NRSN1: variants seen among roughly 807,000 people sequenced by gnomAD.
The protein encoded by NRSN1 is neurensin-1.
Under a neutral mutation model 17.3 loss-of-function variants are expected in NRSN1, and 14 were observed. That is an observed-to-expected ratio of 0.81 (90% CI 0.54 to 1.27). The LOEUF is 1.27. Ranked by LOEUF, NRSN1 falls within the 50% of genes most tolerant of loss-of-function variation. The pLI, the probability that NRSN1 is intolerant of heterozygous loss-of-function variation, is 0.00. For synonymous variants in NRSN1, 79 were observed against 94.2 expected (o/e 0.84, Z 0.93); for missense variants, 209 against 235.9 (o/e 0.89, Z 0.75).
In NRSN1 at chr6:24,126,240, A is replaced by G; in HGVS notation, c.-183A>G. 5.5e-6 allele frequency: 1 copy of G among 180,908 alleles called. No homozygotes were observed. The highest frequency in any genetic ancestry group is 1.1e-5 in the Non-Finnish European group (1 of 88,756). The allele number at this position is 180,908 out of a possible 1,614,324, so 11.2% of individuals were successfully genotyped here. ...GTCAATCAGGCGCGGGCTGAGCTCT[A>G]CGAGGCGGAGCGGCGGCGGTGGCGA... On this transcript the variant is annotated 5_prime_UTR_variant, in exon 1 of 4. Coordinates refer to ENST00000378491, the MANE Select transcript of NRSN1 (RefSeq NM_080723.5).
chr6:24,142,240 TCAG>T, intron 3 of NRSN1, among the ~76,000 whole-genome samples: 2 of 138,000 alleles, frequency 1.4e-5, no homozygotes, highest in African/African-American at 2.6e-5. Flanking sequence ...TGACTCTTTT[TCAG>T]TTTCCTTACA....
intron 3 of NRSN1, among the ~76,000 whole-genome samples, chr6:24,142,841 G>A (rs115600404): frequency 0.049 from 7,492 of 152,254 alleles, 381 homozygotes; most frequent in African/African-American, 0.13. Flanking sequence ...AGCTTCCACA[G>A]GGTGGAAAGA....
At chr6:24,137,053 T>G (rs1561866614) in intron 3 of NRSN1, among the ~76,000 whole-genome samples, 1 of 152,260 alleles carries the variant, frequency 6.6e-6, no homozygotes, top group Non-Finnish European at 1.5e-5. Context: ...TCATGTTTTT[T>G]TCTTTCAATC....
At chr6:24,141,164 T>C in intron 3 of NRSN1, 1 of 1,269,434 alleles carries the variant, frequency 7.9e-7, no homozygotes, top group Non-Finnish European at 1.0e-6. Context: ...CTTTGCTTCC[T>C]CAGAACTTTA....
intron 2 of NRSN1, among the ~76,000 whole-genome samples, chr6:24,132,811 A>C (rs908941564): frequency 1.3e-5 from 2 of 152,162 alleles, no homozygotes; most frequent in African/African-American, 2.4e-5. Flanking sequence ...GCCCACATGC[A>C]TTAGGTATTT....
chr6:24,127,138 G>A (rs1759962351), intron 1 of NRSN1, among the ~76,000 whole-genome samples: 1 of 152,128 alleles, frequency 6.6e-6, no homozygotes, highest in Non-Finnish European at 1.5e-5. Context: ...GGTGTTGGGG[G>A]AGGGAAGAAG....
intron 3 of NRSN1, among the ~76,000 whole-genome samples, chr6:24,142,849 A>T (rs1032315171): frequency 3.3e-5 from 5 of 152,220 alleles, no homozygotes; most frequent in African/African-American, 1.2e-4. Flanking sequence ...CAGGGTGGAA[A>T]GAGACCAGAG....
At chr6:24,142,343 T>C (rs2113717286) in intron 3 of NRSN1, among the ~76,000 whole-genome samples, 1 of 152,190 alleles carries the variant, frequency 6.6e-6, no homozygotes, top group South Asian at 2.1e-4. Context: ...TACAAAATAG[T>C]AATGGCGAAG....
intron 3 of NRSN1, among the ~76,000 whole-genome samples, chr6:24,140,145 T>C (rs1362141700): frequency 6.6e-6 from 1 of 152,176 alleles, no homozygotes; most frequent in Non-Finnish European, 1.5e-5. Flanking sequence ...TGACATTAGA[T>C]TTGACAATTA....
Position 24,146,284 on chromosome 6 carries a change from T to C in NRSN1, c.*338T>C. ...CGAACAGTTTAGACCAGCTCACCAA[T>C]GGCTAATGTGGTCCATTTTATTTTC... is the stretch of plus-strand genomic sequence containing the variant. On this transcript the variant is annotated 3_prime_UTR_variant, in exon 4 of 4. Coordinates refer to ENST00000378491, the MANE Select transcript of NRSN1 (RefSeq NM_080723.5). 1.8e-6 allele frequency: 1 copy of C among 551,188 alleles called. No individual in the cohort carries two copies. The highest frequency in any genetic ancestry group is 1.5e-5 in the South Asian group (1 of 65,294). 34.1% of individuals were successfully genotyped at this position (551,188 alleles called of 1,614,324 possible). A position where few individuals can be genotyped will look rare whatever the true frequency, so the allele number is the denominator to read the frequency against.
intron 1 of NRSN1, among the ~76,000 whole-genome samples, chr6:24,126,923 TTTGA>T (rs143324002): frequency 0.018 from 2,669 of 152,262 alleles, 82 homozygotes; most frequent in African/African-American, 0.06. Flanking sequence ...CTAATGTTTG[TTTGA>T]TTGGTTCCTG....
intron 2 of NRSN1, among the ~76,000 whole-genome samples, chr6:24,133,964 G>T (rs189048840): frequency 9.6e-4 from 146 of 151,382 alleles, no homozygotes; most frequent in Middle Eastern, 6.9e-3. Context: ...AGCCTCCCAA[G>T]TAGCTGGGAC....
At chr6:24,130,887 G>C (rs1232727917) in intron 2 of NRSN1, among the ~76,000 whole-genome samples, 1 of 152,168 alleles carries the variant, frequency 6.6e-6, no homozygotes, top group Non-Finnish European at 1.5e-5. Flanking sequence ...GATTAATCTG[G>C]TCCAACCCTC....
intron 2 of NRSN1, chr6:24,129,333 C>A (rs560931778): frequency 6.6e-6 from 1 of 152,300 alleles, no homozygotes; most frequent in East Asian, 1.9e-4. Context: ...TTTAAAAACA[C>A]TGAAGGAAGG....
chr6:24,141,602 G>C (rs540324713), intron 3 of NRSN1: 1 of 152,804 alleles, frequency 6.5e-6, no homozygotes, highest in East Asian at 1.9e-4. Context: ...TAGAAAAGAG[G>C]AGAATGCTCA....
intron 1 of NRSN1, among the ~76,000 whole-genome samples, chr6:24,126,817 C>T (rs1037016327): frequency 6.6e-6 from 1 of 152,208 alleles, no homozygotes; most frequent in Admixed American, 6.5e-5. Flanking sequence ...GGCGTGATCT[C>T]AGGACCTACT....
rs1760306384 is a variant in NRSN1 at position 24,146,388 on chromosome 6, G to A, written c.*442G>A. On this transcript the variant is annotated 3_prime_UTR_variant, in exon 4 of 4. Coordinates refer to ENST00000378491, the MANE Select transcript of NRSN1 (RefSeq NM_080723.5). ...CACTATGTGTAAGATTTTGTCATAT[G>A]TGTTCATAGAAACATGGAATTCTCT... 2.4e-6 allele frequency: 1 copy of A among 413,216 alleles called. No individual in the cohort carries two copies. The highest frequency in any genetic ancestry group is 2.9e-5 in the Admixed American group (1 of 34,840). The allele number at this position is 413,216 out of a possible 1,614,324, so 25.6% of individuals were successfully genotyped here.
chr6:24,137,168 G>C (rs967228279), intron 3 of NRSN1, among the ~76,000 whole-genome samples: 3 of 152,200 alleles, frequency 2.0e-5, no homozygotes, highest in Admixed American at 6.5e-5. Flanking sequence ...TGTGCTCACA[G>C]TGCTTTGATA....
Position 24,146,166 on chromosome 6 carries a change from G to A in NRSN1, c.*220G>A, listed in dbSNP as rs1329657237. ...CACATGCATCCAGCTGCTTAAGATG[G>A]GTGCTTCCTTGTACCCGGCCACCAG... On this transcript the variant is annotated 3_prime_UTR_variant, in exon 4 of 4. Transcript: ENST00000378491. The A allele has an allele frequency of 1.4e-6, 1 of 709,188 alleles. No homozygotes were observed. The highest frequency in any genetic ancestry group is 2.6e-6 in the Non-Finnish European group (1 of 380,610). The allele number at this position is 709,188 out of a possible 1,614,324, so 43.9% of individuals were successfully genotyped here. A position where few individuals can be genotyped will look rare whatever the true frequency, so the allele number is the denominator to read the frequency against.
Sources: gnomAD v4.1 joint callset for allele counts (sites outside exome capture counted in the v4.1 genomes callset) on GRCh38, gnomAD v4.1.1 for gene constraint, MANE v1.5 for transcripts, NCBI Gene and HGNC (gene_info 2026-07-23, HGNC 2026-07-21) for gene names.